Variants in SZT2 observed in about 807,000 individuals in gnomAD.
SZT2 encodes the protein SZT2 subunit of KICSTOR complex.
A neutral mutation model predicts 404.2 loss-of-function variants in SZT2; 216 were observed. The observed-to-expected ratio is 0.53, with a 90% CI of 0.48 to 0.60. The LOEUF is 0.60. SZT2 is among the 20% of genes least tolerant of loss of function. The probability of loss-of-function intolerance (pLI) is 0.00; values close to 1 mark genes in which losing one functional copy is unlikely to be tolerated. For synonymous variants in SZT2, 1,693 were observed against 1,749.9 expected (o/e 0.97, Z 0.81); for missense variants, 3,857 against 4,459.2 (o/e 0.86, Z 3.85).
At chr1:43,403,025 C>A in intron 1 of SZT2, 152 bp from the exon 2 acceptor site, 2 of 764,678 alleles carry the variant, frequency 2.6e-6, no homozygotes, top group South Asian at 1.8e-5. Context: ...CTGGGAACAC[C>A]TTGCATGGAG....
At position 43,425,667 on chromosome 1, in the gene SZT2, G is replaced by A. The variant is rs199719582; in HGVS notation, c.2814+25G>A. 4,734 of 1,611,520 alleles carry A rather than the reference G, an allele frequency of 2.9e-3. 16 individuals carry two copies. The highest frequency in any genetic ancestry group is 2.9e-3 in the Non-Finnish European group (3,451 of 1,178,696). ...TGTGAGTGTCCTCAGAACAGTACCC[G>A]CACCTCTCTCACTGGATTGGGGTGC... is the stretch of plus-strand genomic sequence containing the variant. On this transcript the variant is annotated intron_variant, in intron 19 of 71. Transcript: ENST00000634258. The surrounding 1 kb of genome is among the most constrained non-coding windows in gnomAD (Gnocchi z 4.3).
Position 43,425,237 on chromosome 1 carries a change from C to T in SZT2, c.2645+30C>T, listed in dbSNP as rs776543619. 26 of 1,612,340 alleles carry T rather than the reference C, an allele frequency of 1.6e-5. No homozygotes were observed. The highest frequency in any genetic ancestry group is 2.0e-5 in the Non-Finnish European group (23 of 1,178,558). On this transcript the variant is annotated intron_variant, in intron 18 of 71. Transcript: ENST00000634258. This position sits in a 1 kb window ranked among gnomAD's most constrained non-coding sequence, Gnocchi z 4.3. ...GACAGGCCATCTGTGAGGGCCGCCTCTGCAGAGTCAGCCTTCTCCCCACCA... is the reference window on the plus strand; with the variant it reads ...GACAGGCCATCTGTGAGGGCCGCCTTTGCAGAGTCAGCCTTCTCCCCACCA...
At chr1:43,406,208 CT>C in intron 4 of SZT2, 1 of 276,678 alleles carries the variant, frequency 3.6e-6, no homozygotes, top group Non-Finnish European at 7.1e-6. Context: ...CTGCCTCAGC[CT>C]TTCAAGTAGC....
At chr1:43,409,945 A>C (rs1029404328) in intron 4 of SZT2, 12 of 152,584 alleles carry the variant, frequency 7.9e-5, no homozygotes, top group South Asian at 6.2e-4. Context: ...AAGACCCAGA[A>C]TAGCCAAAGC....
At chr1:43,443,521 A>C in intron 61 of SZT2, 44 bp downstream of exon 61, 1 of 1,613,502 alleles carries the variant, frequency 6.2e-7, no homozygotes, top group Non-Finnish European at 8.5e-7. Context: ...TGCTTACCCC[A>C]CAGTGACCCC....
Position 43,424,303 on chromosome 1 carries a change from C to T in SZT2, c.2342C>T (p.Ser781Leu), listed in dbSNP as rs1652874092. 1.3e-6 allele frequency: 2 copies of T among 1,598,046 alleles called. No homozygotes were observed. Among genetic ancestry groups the T allele is most frequent in the African/African-American group, 2.7e-5 (2 of 74,946 alleles). Residue 781 changes from serine (S) to leucine (L), a missense_variant, in exon 16 of 72, where the codon TCA (serine) becomes TTA (leucine). Ser to Leu is a moderately radical substitution (Grantham distance 145). This residue lies in a region of SZT2 where 1,725 missense variants were observed against 1,881.0 expected (regional missense o/e 0.92). Transcript: ENST00000634258. This position sits in a 1 kb window ranked among gnomAD's most constrained non-coding sequence, Gnocchi z 4.1. ...PGPLPLVSGR[S>L]ASSSLASLSR... ...CCACTGCCCTTGGTGTCAGGCCGCT[C>T]AGCCTCTTCTAGCCTGGCGTCACTG...
chr1:43,431,826 C>T lies in SZT2; in HGVS notation c.5199C>T (p.Arg1733=), dbSNP rs777866385. The T allele has an allele frequency of 6.2e-7, 1 of 1,614,210 alleles. No individual in the cohort carries two copies. Among genetic ancestry groups the T allele is most frequent in the Non-Finnish European group, 8.5e-7 (1 of 1,180,032 alleles). The change falls in exon 36 of 72, where the codon CGC becomes CGT. Residue 1733 remains arginine, a synonymous_variant. Transcript: ENST00000634258. ...CCCATATCCATAGTTCTCCTGGACG[C>T]TCCACCTGCCTTCGCCAAACTCTGC... ...AAAHIHSSPG[R]STCLRQTLPL...
intron 41 of SZT2, 70 bp from the exon 42 acceptor site, chr1:43,435,130 C>T: frequency 1.3e-6 from 2 of 1,547,938 alleles, no homozygotes. Context: ...GGCATTTGAT[C>T]ACCCCTGACC....
Position 43,403,687 on chromosome 1 carries a change from C to A in SZT2, c.240C>A (p.Leu80=). ...PDEPVVPRPF[L]LVPSTRVTFL... ...AACCAGTGGTCCCAAGGCCATTCCTCCTGGTACCTTCCACCCGGGTCACCT... is the reference window on the plus strand; with the variant it reads ...AACCAGTGGTCCCAAGGCCATTCCTACTGGTACCTTCCACCCGGGTCACCT... The change falls in exon 3 of 72, where the codon CTC becomes CTA. Residue 80 remains leucine, a synonymous_variant. Coordinates refer to ENST00000634258, the MANE Select transcript of SZT2 (RefSeq NM_001365999.1). 1 of 1,614,192 alleles carries A rather than the reference C, an allele frequency of 6.2e-7. No homozygotes were observed.
chr1:43,446,127 T>C, intron 63 of SZT2, 52 bp from the exon 64 acceptor site: 6 of 1,608,136 alleles, frequency 3.7e-6, no homozygotes, highest in Non-Finnish European at 8.5e-7. Flanking sequence ...TCCACCCTAC[T>C]GATTCGAGGC....
Position 43,432,528 on chromosome 1 carries a change from C to T in SZT2, c.5454C>T (p.Ala1818=). 2 of 1,605,998 alleles carry T rather than the reference C, an allele frequency of 1.2e-6. No homozygotes were observed. Among genetic ancestry groups the T allele is most frequent in the Non-Finnish European group, 1.7e-6 (2 of 1,176,258 alleles). ...TTCCTATTCCTCAGACCCTGACAGC[C>T]AGCCCCCAAGCACCTGGGTCCCCAG... The part of the protein sequence containing the change: ...AEGIEGETLT[A]SPQAPGSPED... Residue 1818 remains alanine, a synonymous_variant, in exon 38 of 72, where the codon GCC becomes GCT. Coordinates refer to ENST00000634258, the MANE Select transcript of SZT2 (RefSeq NM_001365999.1).
rs956053333 is a variant in SZT2 at position 43,419,825 on chromosome 1, A to G, written c.971A>G (p.Tyr324Cys). The G allele has an allele frequency of 4.4e-6, 7 of 1,598,412 alleles. No individual in the cohort carries two copies. The highest frequency in any genetic ancestry group is 5.9e-6 in the Non-Finnish European group (7 of 1,179,808). The change falls in exon 8 of 72, where the codon TAC (tyrosine) becomes TGC (cysteine). Residue 324 changes from tyrosine (Y) to cysteine (C), a missense_variant. By Grantham distance (194) the Tyr-to-Cys change is radical. This residue lies in a region of SZT2 where 536 missense variants were observed against 637.4 expected (regional missense o/e 0.84). Transcript: ENST00000634258. ...ATCGCAATGGCAACATTTGGGTCCTACCTGTCCACTTGTCCTGAGCCGGAG... is the reference window on the plus strand; with the variant it reads ...ATCGCAATGGCAACATTTGGGTCCTGCCTGTCCACTTGTCCTGAGCCGGAG... The part of the protein sequence containing the change: ...KFIAMATFGS[Y>C]LSTCPEPEPG...
rs1570754264 is a variant in SZT2, at chr1:43,450,364, T to G, written c.10183T>G (p.Phe3395Val). 6.2e-7 allele frequency: 1 copy of G among 1,613,858 alleles called. No homozygotes were observed. The highest frequency in any genetic ancestry group is 8.5e-7 in the Non-Finnish European group (1 of 1,179,960). ...TCTGACAGTGGTTTTCCGAGAGCCC[T>G]TCCCAGTACAGCCCCAGGACAGCGA... ...TSLTVVFREP[F>V]PVQPQDSESP... Residue 3395 changes from phenylalanine to valine, a missense_variant, in exon 72 of 72, where the codon TTC (phenylalanine) becomes GTC (valine). This residue lies in a region of SZT2 where 717 missense variants were observed against 868.2 expected (regional missense o/e 0.83). Transcript: ENST00000634258. This position sits in a 1 kb window ranked among gnomAD's most constrained non-coding sequence, Gnocchi z 4.3.
chr1:43,414,894 G>A (rs1651518321), intron 4 of SZT2, among the ~76,000 whole-genome samples, 188 bp from the exon 5 acceptor site: 1 of 152,192 alleles, frequency 6.6e-6, no homozygotes, highest in Non-Finnish European at 1.5e-5. Context: ...CTAATGACTA[G>A]GGACCTGGGC....
rs1285336520 is a variant in SZT2, at chr1:43,426,587, C to T, written c.3214+49C>T. The T allele has an allele frequency of 5.9e-6, 9 of 1,513,384 alleles. No homozygotes were observed. In the African/African-American group the frequency reaches 8.3e-5, roughly 14 times the overall value. The allele number at this position is 1,513,384 out of a possible 1,614,324, so 93.7% of individuals were successfully genotyped here. On this transcript the variant is annotated intron_variant, in intron 22 of 71. Transcript: ENST00000634258. This position sits in a 1 kb window ranked among gnomAD's most constrained non-coding sequence, Gnocchi z 4.9. ...CACCAGACCCTGGCCCAGCCCTTTT[C>T]CCCCACCCTCACAGGGTGATTTCTG...
chr1:43,441,665 A>T lies in SZT2; in HGVS notation c.7610-21A>T, dbSNP rs1655074650. ...CCTGGTCTCCATCCTGCAGCTCCAC[A>T]GTGACTCCTCTGCCTCCTAGGTTGT... On this transcript the variant is annotated intron_variant, in intron 54 of 71. Transcript: ENST00000634258. The surrounding 1 kb of genome is among the most constrained non-coding windows in gnomAD (Gnocchi z 4.8). The T allele has an allele frequency of 1.9e-6, 3 of 1,613,868 alleles. No homozygotes were observed. Among genetic ancestry groups the T allele is most frequent in the Non-Finnish European group, 2.5e-6 (3 of 1,179,964 alleles).
intron 4 of SZT2, chr1:43,405,547 CGTGATGGCT>C (rs1039939465): frequency 2.4e-4 from 36 of 152,162 alleles, no homozygotes; most frequent in African/African-American, 8.2e-4. Flanking sequence ...TGAAACTGTC[CGTGATGGCT>C]GCATTGTCAC....
In SZT2 at chr1:43,447,115, TC is replaced by T. The variant is rs1655767537; in HGVS notation, c.9235del (p.Leu3079TrpfsTer45). The T allele has an allele frequency of 1.2e-6, 2 of 1,613,876 alleles. No homozygotes were observed. Among genetic ancestry groups the T allele is most frequent in the Non-Finnish European group, 1.7e-6 (2 of 1,180,008 alleles). ...CACCTCACCACCTTTCTGCGACACTTCCTGGCCCACCACCCTGACGGACCCC... is the reference window on the plus strand; with the variant it reads ...CACCTCACCACCTTTCTGCGACACTTCTGGCCCACCACCCTGACGGACCCC... ...GYHLTTFLRH[F>X]LAHHPDGPHF... On this transcript the variant is annotated frameshift_variant, in exon 66 of 72. Transcript: ENST00000634258. LOFTEE classifies it high-confidence loss of function.
In SZT2 at chr1:43,450,257, G is replaced by C; in HGVS notation, c.10156-80G>C. On this transcript the variant is annotated intron_variant, in intron 71 of 71. Coordinates refer to ENST00000634258, the MANE Select transcript of SZT2 (RefSeq NM_001365999.1). The surrounding 1 kb of genome is among the most constrained non-coding windows in gnomAD (Gnocchi z 4.3). ...CCTCGGAGCCTGCTGAGGTTGGGGT[G>C]CCCACCCTTTCTGAGCCCTGCCTCC... is the stretch of plus-strand genomic sequence containing the variant. 1.2e-6 allele frequency: 2 copies of C among 1,613,452 alleles called. No individual in the cohort carries two copies. Among genetic ancestry groups the C allele is most frequent in the South Asian group, 1.1e-5 (1 of 91,072 alleles).
Sources: allele counts gnomAD v4.1 joint callset (sites outside exome capture counted in the v4.1 genomes callset), GRCh38; gene constraint gnomAD v4.1.1; regional missense constraint gnomAD v4.1.1; non-coding constraint Gnocchi (gnomAD v3.1); transcripts MANE v1.5; gene names NCBI Gene and HGNC (gene_info 2026-07-23, HGNC 2026-07-21).